The following ZNF804A variants were observed in gnomAD, a reference collection of about 807,000 sequenced individuals.
ZNF804A encodes the protein zinc finger protein 804A.
Under a neutral mutation model 16.5 loss-of-function variants are expected in ZNF804A, and 2 were observed. The ratio of observed to expected loss-of-function variants is 0.12; its 90% CI spans 0.05 to 0.38. ZNF804A has a LOEUF of 0.38. Ranked by LOEUF, ZNF804A falls within the 10% of genes least tolerant of loss-of-function variation. ZNF804A has a pLI of 0.99. For missense variants in ZNF804A, 1,473 were observed against 1,390.7 expected (o/e 1.06, Z -0.94); for synonymous variants, 534 against 489.6 (o/e 1.09, Z -1.20).
At chr2:184,737,399 T>C (rs1325439965) in intron 1 of ZNF804A, among the ~76,000 whole-genome samples, 1 of 152,040 alleles carries the variant, frequency 6.6e-6, no homozygotes, top group Non-Finnish European at 1.5e-5. Context: ...AATCATGAAA[T>C]AGTGTTGAAC....
intron 1 of ZNF804A, among the ~76,000 whole-genome samples, chr2:184,679,887 G>C (rs1351087914): frequency 1.3e-5 from 2 of 152,188 alleles, no homozygotes; most frequent in African/African-American, 4.8e-5. Context: ...GGGCAGAAAG[G>C]TGTGAGTTCC....
At chr2:184,611,623 A>C (rs1270541655) in intron 1 of ZNF804A, among the ~76,000 whole-genome samples, 1 of 152,178 alleles carries the variant, frequency 6.6e-6, no homozygotes, top group African/African-American at 2.4e-5. Flanking sequence ...TGTCTTCTAG[A>C]TTACTGAAGT....
intron 1 of ZNF804A, among the ~76,000 whole-genome samples, chr2:184,767,675 A>T (rs966433273): frequency 3.9e-5 from 6 of 152,282 alleles, no homozygotes; most frequent in African/African-American, 1.4e-4. Flanking sequence ...ATAAGTCTTT[A>T]AAATATTATT....
chr2:184,731,251 CAAAAA>C (rs563068533), intron 1 of ZNF804A, among the ~76,000 whole-genome samples: 26 of 45,312 alleles, frequency 5.7e-4, no homozygotes, highest in African/African-American at 1.8e-3. Context: ...GGCTCCGTCG[CAAAAA>C]AAAAAAAAAA....
chr2:184,634,418 T>C (rs1691662703), intron 1 of ZNF804A, among the ~76,000 whole-genome samples: 1 of 152,140 alleles, frequency 6.6e-6, no homozygotes, highest in Non-Finnish European at 1.5e-5. Context: ...TGATTAAGGA[T>C]CTTTAGATGG....
intron 1 of ZNF804A, among the ~76,000 whole-genome samples, chr2:184,704,036 G>A (rs1314422746): frequency 6.6e-6 from 1 of 151,894 alleles, no homozygotes; most frequent in African/African-American, 2.4e-5. Flanking sequence ...GAGTTGTAGG[G>A]GTACCACCAG....
chr2:184,611,632 G>T (rs1691241200), intron 1 of ZNF804A, among the ~76,000 whole-genome samples: 1 of 152,008 alleles, frequency 6.6e-6, no homozygotes, highest in East Asian at 1.9e-4. Flanking sequence ...GATTACTGAA[G>T]TTCTGAAGTT....
intron 1 of ZNF804A, among the ~76,000 whole-genome samples, chr2:184,760,348 T>A (rs866767152): frequency 9.9e-5 from 15 of 152,166 alleles, no homozygotes; most frequent in Admixed American, 2.6e-4. Context: ...TAAGTACATA[T>A]GCATATGACA....
chr2:184,695,998 C>T (rs546084413), intron 1 of ZNF804A, among the ~76,000 whole-genome samples: 1 of 152,142 alleles, frequency 6.6e-6, no homozygotes, highest in South Asian at 2.1e-4. Flanking sequence ...TGAGTTCTAA[C>T]CAGCATAACC....
At chr2:184,765,172 G>A (rs1395457783) in intron 1 of ZNF804A, among the ~76,000 whole-genome samples, 1 of 152,128 alleles carries the variant, frequency 6.6e-6, no homozygotes, top group South Asian at 2.1e-4. Context: ...GTTTTGTAGA[G>A]AGCCATGTAA....
intron 1 of ZNF804A, among the ~76,000 whole-genome samples, chr2:184,644,882 C>CAG (rs1307467293): frequency 6.6e-6 from 1 of 151,990 alleles, no homozygotes; most frequent in Non-Finnish European, 1.5e-5. Context: ...ACTGGGGCAG[C>CAG]AGTCAGCAAG....
chr2:184,767,238 A>G (rs1373998076), intron 1 of ZNF804A, among the ~76,000 whole-genome samples: 1 of 152,210 alleles, frequency 6.6e-6, no homozygotes, highest in Non-Finnish European at 1.5e-5. Context: ...ATAATGGAGT[A>G]TATGCACACA....
intron 1 of ZNF804A, among the ~76,000 whole-genome samples, chr2:184,709,826 T>G (rs897357136): frequency 1.3e-5 from 2 of 148,568 alleles, no homozygotes; most frequent in African/African-American, 4.9e-5. Context: ...TATTTTAATA[T>G]GAGGAAAATA....
intron 2 of ZNF804A, among the ~76,000 whole-genome samples, chr2:184,896,537 T>G (rs6718067): frequency 0.33 from 49,577 of 151,978 alleles, 10,812 homozygotes; most frequent in African/African-American, 0.62. Flanking sequence ...CAAATACCAT[T>G]AGCCTGATTG....
At chr2:184,828,707 C>G (rs1271387096) in intron 1 of ZNF804A, among the ~76,000 whole-genome samples, 3 of 151,720 alleles carry the variant, frequency 2.0e-5, no homozygotes, top group Admixed American at 6.6e-5. Context: ...GAAAATTAGG[C>G]CCATTCTACA....
chr2:184,817,174 G>C (rs1334530545), intron 1 of ZNF804A, among the ~76,000 whole-genome samples: 1 of 151,788 alleles, frequency 6.6e-6, no homozygotes, highest in Non-Finnish European at 1.5e-5. Flanking sequence ...ACCTTTCTGG[G>C]ACAGAGCTCC....
chr2:184,766,329 A>G (rs907349301), intron 1 of ZNF804A, among the ~76,000 whole-genome samples: 2 of 152,150 alleles, frequency 1.3e-5, no homozygotes, highest in African/African-American at 4.8e-5. Context: ...TGCAAGTTTT[A>G]TATAGCATCA....
chr2:184,747,265 T>C (rs540124749), intron 1 of ZNF804A, among the ~76,000 whole-genome samples: 2 of 134,230 alleles, frequency 1.5e-5, no homozygotes, highest in African/African-American at 5.6e-5. Context: ...CCCGCTCGGG[T>C]CCCCTTCCAC....
chr2:184,767,705 T>C (rs1000553993), intron 1 of ZNF804A, among the ~76,000 whole-genome samples: 2 of 152,132 alleles, frequency 1.3e-5, no homozygotes, highest in African/African-American at 4.8e-5. Flanking sequence ...TTTTGAAATG[T>C]AAAAGTAAAA....
Sources: allele counts gnomAD v4.1 joint callset (sites outside exome capture counted in the v4.1 genomes callset), GRCh38; gene constraint gnomAD v4.1.1; transcripts MANE v1.5; gene names NCBI Gene and HGNC (gene_info 2026-07-23, HGNC 2026-07-21).